The following LDLRAD4 variants were observed in gnomAD, a reference collection of about 807,000 sequenced individuals.
LDLRAD4 encodes low density lipoprotein receptor class A domain containing 4, also known as low-density lipoprotein receptor class A domain-containing protein 4.
Under a neutral mutation model 17.0 loss-of-function variants are expected in LDLRAD4, and 5 were observed. That is an observed-to-expected ratio of 0.29 (90% CI 0.15 to 0.62). The LOEUF (loss-of-function observed/expected upper bound fraction) is 0.62. Among genes scored for constraint, LDLRAD4 ranks in the 20% least tolerant of loss-of-function variants. LDLRAD4 has a pLI of 0.84. For synonymous variants in LDLRAD4, 168 were observed against 171.8 expected, an observed-to-expected ratio of 0.98 and a Z score of 0.17; for missense variants, 340 against 424.7, an observed-to-expected ratio of 0.80 and a Z score of 1.75.
At chr18:13,578,218 T>C (rs1363970415) in intron 3 of LDLRAD4, among the ~76,000 whole-genome samples, 1 of 152,244 alleles carries the variant, frequency 6.6e-6, no homozygotes, top group African/African-American at 2.4e-5. Context: ...TAAAAGCACC[T>C]GCTACAAACT....
At chr18:13,489,887 A>T (rs570201545) in intron 3 of LDLRAD4, 31 of 152,248 alleles carry the variant, frequency 2.0e-4, no homozygotes, top group African/African-American at 7.2e-4. Context: ...GAGGGAGGAG[A>T]TTTGTGCCAG....
intron 3 of LDLRAD4, among the ~76,000 whole-genome samples, chr18:13,442,970 A>G (rs1248775840): frequency 5.9e-5 from 9 of 152,126 alleles, no homozygotes; most frequent in Admixed American, 3.3e-4. Flanking sequence ...CGGGGAAAGC[A>G]GGGAGAGGAG....
At chr18:13,282,739 G>A (rs1194870011) in intron 1 of LDLRAD4, among the ~76,000 whole-genome samples, 3 of 152,194 alleles carry the variant, frequency 2.0e-5, no homozygotes, top group African/African-American at 7.2e-5. Context: ...CTACCATTCT[G>A]TGGTCTGGAG....
intron 3 of LDLRAD4, among the ~76,000 whole-genome samples, chr18:13,477,047 T>C (rs1372625513): frequency 6.6e-6 from 1 of 152,238 alleles, no homozygotes; most frequent in Non-Finnish European, 1.5e-5. Context: ...CACAATGGAC[T>C]AGGCTTTGTA....
At chr18:13,528,624 G>A (rs1323891865) in intron 3 of LDLRAD4, among the ~76,000 whole-genome samples, 2 of 152,168 alleles carry the variant, frequency 1.3e-5, no homozygotes, top group Non-Finnish European at 1.5e-5. Context: ...AGAGTTGAGC[G>A]CTGTTATTAT....
At chr18:13,519,933 G>A (rs534739620) in intron 3 of LDLRAD4, 11 of 152,296 alleles carry the variant, frequency 7.2e-5, no homozygotes, top group Admixed American at 6.5e-4. Flanking sequence ...AGTCTATGCT[G>A]TTAAGTACAA....
intron 1 of LDLRAD4, among the ~76,000 whole-genome samples, chr18:13,362,014 T>C (rs2083708323): frequency 6.6e-6 from 1 of 151,740 alleles, no homozygotes; most frequent in African/African-American, 2.4e-5. Context: ...GAATTTTGAG[T>C]GTATGAAGGT....
intron 3 of LDLRAD4, among the ~76,000 whole-genome samples, chr18:13,593,318 A>G (rs2095051078): frequency 6.6e-6 from 1 of 152,174 alleles, no homozygotes; most frequent in Admixed American, 6.5e-5. Flanking sequence ...GTCTTAAAAA[A>G]CAAAAAACAA....
chr18:13,308,152 A>C (rs2047021449), intron 1 of LDLRAD4, among the ~76,000 whole-genome samples: 1 of 152,032 alleles, frequency 6.6e-6, no homozygotes, highest in Non-Finnish European at 1.5e-5. Context: ...TGCTTTCGAC[A>C]CTCAATGTGC....
At chr18:13,434,011 C>G (rs2090504257) in intron 2 of LDLRAD4, among the ~76,000 whole-genome samples, 1 of 152,146 alleles carries the variant, frequency 6.6e-6, no homozygotes, top group African/African-American at 2.4e-5. Flanking sequence ...CAGGCATTAT[C>G]CCTGGCCTGC....
intron 3 of LDLRAD4, among the ~76,000 whole-genome samples, chr18:13,595,662 T>A (rs1043988844): frequency 2.3e-4 from 35 of 152,234 alleles, no homozygotes; most frequent in Admixed American, 2.2e-3. Context: ...TCCATGTTTT[T>A]TTTAAATGTG....
At chr18:13,242,153 C>A (rs1369867552) in intron 1 of LDLRAD4, 1 of 152,260 alleles carries the variant, frequency 6.6e-6, no homozygotes, top group Non-Finnish European at 1.5e-5. Flanking sequence ...AACAGAGCTT[C>A]ATTAAACCAA....
intron 3 of LDLRAD4, among the ~76,000 whole-genome samples, chr18:13,572,135 C>T (rs1043976593): frequency 3.9e-5 from 6 of 152,188 alleles, no homozygotes; most frequent in African/African-American, 1.4e-4. Context: ...CAGCGTTACC[C>T]GAGGACTTGC....
At chr18:13,316,217 T>C (rs1345803900) in intron 1 of LDLRAD4, among the ~76,000 whole-genome samples, 1 of 152,012 alleles carries the variant, frequency 6.6e-6, no homozygotes, top group African/African-American at 2.4e-5. Flanking sequence ...CAAGGCAATG[T>C]GGAAATGTAG....
intron 3 of LDLRAD4, among the ~76,000 whole-genome samples, chr18:13,571,124 CT>C (rs1183441777): frequency 6.6e-6 from 1 of 152,086 alleles, no homozygotes; most frequent in East Asian, 1.9e-4. Context: ...CTGGCATGCC[CT>C]TTCTAAGTGT....
At chr18:13,569,114 T>G (rs1171611783) in intron 3 of LDLRAD4, among the ~76,000 whole-genome samples, 1 of 152,218 alleles carries the variant, frequency 6.6e-6, no homozygotes, top group Non-Finnish European at 1.5e-5. Context: ...GTGACACTAA[T>G]CCAATACTGA....
chr18:13,541,543 T>A (rs926857646), intron 3 of LDLRAD4, among the ~76,000 whole-genome samples: 8 of 152,200 alleles, frequency 5.3e-5, no homozygotes, highest in Non-Finnish European at 1.0e-4. Flanking sequence ...CATGAGCATG[T>A]GGAGACTAGA....
chr18:13,643,393 C>T lies in LDLRAD4; in HGVS notation c.371C>T (p.Pro124Leu), dbSNP rs202135989. Residue 124 changes from proline to leucine, a missense_variant, in exon 5 of 6, where the codon CCG (proline) becomes CTG (leucine). By Grantham distance (98) the Pro-to-Leu change is moderately conservative (BLOSUM62 -3). Transcript: ENST00000359446. ...CTGTGGCCTTCAGACAGCGCCGCAC[C>T]GCGGCTGGGCGCCTCGGAGGTAAGG... 4,790 of 1,220,730 alleles carry T rather than the reference C, an allele frequency of 3.9e-3. 17 individuals are homozygous for T. Among genetic ancestry groups the T allele is most frequent in the Non-Finnish European group, 4.0e-3 (3,802 of 960,560 alleles). 75.6% of individuals were successfully genotyped at this position (1,220,730 alleles called of 1,614,324 possible).
chr18:13,429,835 T>C (rs762550598), intron 2 of LDLRAD4, among the ~76,000 whole-genome samples: 18 of 152,214 alleles, frequency 1.2e-4, no homozygotes, highest in Non-Finnish European at 2.5e-4. Flanking sequence ...ACTGAAGTTG[T>C]TCAGAGGAAA....
Sources: gnomAD v4.1 joint callset for allele counts (sites outside exome capture counted in the v4.1 genomes callset) on GRCh38, gnomAD v4.1.1 for gene constraint, MANE v1.5 for transcripts, NCBI Gene and HGNC (gene_info 2026-07-23, HGNC 2026-07-21) for gene names.